The following TBX18 variants were observed in gnomAD, a reference collection of about 807,000 sequenced individuals.
TBX18 encodes T-box transcription factor 18, also known as T-box transcription factor TBX18.
Under a neutral mutation model 55.0 loss-of-function variants are expected in TBX18, and 21 were observed. The observed-to-expected ratio is 0.38, with a 90% CI of 0.27 to 0.55. The LOEUF (loss-of-function observed/expected upper bound fraction) is 0.55, where lower values mean the gene tolerates loss of function less well. TBX18 is among the 20% of genes least tolerant of loss of function. The pLI, the probability that TBX18 is intolerant of heterozygous loss-of-function variation, is 0.73. For synonymous variants in TBX18, 342 were observed against 326.1 expected, an observed-to-expected ratio of 1.05 and a Z score of -0.53; for missense variants, 840 against 799.6, an observed-to-expected ratio of 1.05 and a Z score of -0.61.
At chr6:84,763,833 C>T (rs1283422262) in intron 1 of TBX18, 57 bp downstream of exon 1, 8 of 1,438,638 alleles carry the variant, frequency 5.6e-6, no homozygotes, top group Non-Finnish European at 6.4e-6. Context: ...CCCACAGACT[C>T]GCAGAAGTTC....
rs748500583 is a variant in TBX18, at chr6:84,737,142, G to A, written c.1367C>T (p.Ser456Phe). The change falls in exon 8 of 8, where the codon TCC becomes TTC. Residue 456 changes from serine to phenylalanine, a missense_variant. Coordinates refer to ENST00000369663, the MANE Select transcript of TBX18 (RefSeq NM_001080508.3). ...GETFAPPRTPSYVGVSSSTSV... is the reference protein window; with the variant it reads ...GETFAPPRTPFYVGVSSSTSV... ...GGTGCTGCTGCTCACGCCCACATAG[G>A]AGGGAGTCCTGGGCGGGGCAAAGGT... 2.1e-5 allele frequency: 34 copies of A among 1,614,080 alleles called. No homozygotes were observed. The highest frequency in any genetic ancestry group is 2.7e-5 in the Non-Finnish European group (32 of 1,180,024).
At chr6:84,745,944 G>C (rs1767171646) in intron 5 of TBX18, among the ~76,000 whole-genome samples, 1 of 152,130 alleles carries the variant, frequency 6.6e-6, no homozygotes, top group African/African-American at 2.4e-5. Context: ...TGAAGCTTAA[G>C]TAAGCCAGGA....
chr6:84,738,964 C>T (rs1766970312), intron 6 of TBX18, among the ~76,000 whole-genome samples: 1 of 152,188 alleles, frequency 6.6e-6, no homozygotes, highest in Admixed American at 6.5e-5. Context: ...TGTCCTGTTA[C>T]TTCTCCCTCT....
At chr6:84,755,197 T>C (rs1767455750) in intron 4 of TBX18, among the ~76,000 whole-genome samples, 1 of 152,152 alleles carries the variant, frequency 6.6e-6, no homozygotes, top group Non-Finnish European at 1.5e-5. Context: ...AACCAGTAAT[T>C]TGAACGGAAA....
At chr6:84,737,829 A>G (rs1334660890) in intron 7 of TBX18, among the ~76,000 whole-genome samples, 1 of 152,206 alleles carries the variant, frequency 6.6e-6, no homozygotes, top group Non-Finnish European at 1.5e-5. Context: ...TGTTTTATAT[A>G]GTGTCTCAAA....
In TBX18 at chr6:84,733,312, A is replaced by C. The variant is rs1234844837; in HGVS notation, c.*3373T>G. The C allele has an allele frequency of 6.6e-6, 1 of 152,194 alleles. No individual in the cohort carries two copies. The highest frequency in any genetic ancestry group is 1.5e-5 in the Non-Finnish European group (1 of 68,030). The allele number at this position is 152,194 out of a possible 1,614,324, so 9.4% of individuals were successfully genotyped here. On this transcript the variant is annotated 3_prime_UTR_variant, in exon 8 of 8. Transcript: ENST00000369663. Reference sequence around the variant, plus strand: ...TTTAACCTTACTCTCAACTTATCTGAGCATTTCTTTTTAGAAAGGATGAAC... The same window carrying C: ...TTTAACCTTACTCTCAACTTATCTGCGCATTTCTTTTTAGAAAGGATGAAC...
At position 84,755,245 on chromosome 6, in the gene TBX18, A is replaced by C. The variant is rs1767457050; in HGVS notation, c.771+1453T>G. Among the ~76,000 whole-genome samples the C allele has an allele frequency of 1.3e-5, 2 of 152,236 alleles. 1 individual carries two copies. Among genetic ancestry groups the C allele is most frequent in the South Asian group, 4.1e-4 (2 of 4,834 alleles). On this transcript the variant is annotated intron_variant, in intron 4 of 7. Coordinates refer to ENST00000369663, the MANE Select transcript of TBX18 (RefSeq NM_001080508.3). ...TAAAATGATTATATTGATTTAAATT[A>C]TTAAGAAGTTTATAACTTATACATG... is the stretch of plus-strand genomic sequence containing the variant.
At chr6:84,749,080 A>C (rs1767273266) in intron 4 of TBX18, among the ~76,000 whole-genome samples, 1 of 152,150 alleles carries the variant, frequency 6.6e-6, no homozygotes, top group African/African-American at 2.4e-5. Flanking sequence ...AGATGATGGA[A>C]TTGTGAGTGA....
chr6:84,759,447 A>C (rs1411888618), intron 3 of TBX18, among the ~76,000 whole-genome samples: 1 of 152,180 alleles, frequency 6.6e-6, no homozygotes, highest in Non-Finnish European at 1.5e-5. Flanking sequence ...GTATCTTCGA[A>C]TCTTCCAAAC....
rs115937874 is a variant in TBX18, at chr6:84,748,045, C to T, written c.814G>A (p.Val272Ile). Residue 272 changes from valine to isoleucine, a missense_variant, in exon 5 of 8, where the codon GTC (valine) becomes ATC (isoleucine). Physicochemically the swap from Val to Ile is conservative, Grantham distance 29 (BLOSUM62 3). Transcript: ENST00000369663. ...TCGTCTCCACAGTCTTTACGGATGA[C>T]GTGCACTCGCGGTTGGTATTTGTGC... ...SMHKYQPRVH[V>I]IRKDCGDDLS... The T allele has an allele frequency of 2.2e-4, 355 of 1,612,638 alleles. 1 individual carries two copies. Among genetic ancestry groups the T allele is most frequent in the African/African-American group, 2.1e-3 (161 of 74,992 alleles).
At chr6:84,738,622 C>T in intron 6 of TBX18, 31 bp from the exon 7 acceptor site, 1 of 1,548,360 alleles carries the variant, frequency 6.5e-7, no homozygotes, top group Non-Finnish European at 8.9e-7. Flanking sequence ...TAGGGGTGGA[C>T]AAAAGAAGTC....
chr6:84,740,090 A>G (rs928763544), intron 6 of TBX18, among the ~76,000 whole-genome samples: 4 of 152,192 alleles, frequency 2.6e-5, no homozygotes, highest in Non-Finnish European at 5.9e-5. Flanking sequence ...CTGGGGGTGC[A>G]GCTCTGAGGG....
chr6:84,762,725 G>C lies in TBX18; in HGVS notation c.316C>G (p.Gln106Glu). The part of the protein sequence containing the change: ...AAGGCEDGFQ[Q>E]GASPLASPGG... ...GGTGACGCCAGAGGGGAAGCTCCCT[G>C]CTGGAAGCCGTCCTCACAGCCGCCT... Residue 106 changes from glutamine to glutamate, a missense_variant, in exon 2 of 8, where the codon CAG (glutamine) becomes GAG (glutamate). Transcript: ENST00000369663. The C allele has an allele frequency of 1.9e-6, 3 of 1,607,892 alleles. No individual in the cohort carries two copies. The highest frequency in any genetic ancestry group is 2.5e-6 in the Non-Finnish European group (3 of 1,177,646).
chr6:84,741,255 C>T (rs1016505202), intron 6 of TBX18: 5 of 152,148 alleles, frequency 3.3e-5, no homozygotes, highest in Admixed American at 6.5e-5. Context: ...GCAGCCAAGG[C>T]GATAATTTAT....
At chr6:84,749,325 G>A (rs1290349509) in intron 4 of TBX18, among the ~76,000 whole-genome samples, 1 of 152,200 alleles carries the variant, frequency 6.6e-6, no homozygotes, top group Non-Finnish European at 1.5e-5. Context: ...GGGAAATGTA[G>A]TGGTTGGCCT....
intron 6 of TBX18, among the ~76,000 whole-genome samples, chr6:84,740,162 A>G (rs956037937): frequency 2.6e-5 from 4 of 152,198 alleles, no homozygotes; most frequent in Non-Finnish European, 4.4e-5. Flanking sequence ...AGAAAAGAGC[A>G]GAGCACAGAG....
At position 84,733,989 on chromosome 6, in the gene TBX18, C is replaced by G. The variant is rs575488646; in HGVS notation, c.*2696G>C. 1 of 152,260 alleles carries G rather than the reference C, an allele frequency of 6.6e-6. No individual in the cohort carries two copies. The highest frequency in any genetic ancestry group is 2.4e-5 in the African/African-American group (1 of 41,540). The allele number at this position is 152,260 out of a possible 1,614,324, so 9.4% of individuals were successfully genotyped here. On this transcript the variant is annotated 3_prime_UTR_variant, in exon 8 of 8. Coordinates refer to ENST00000369663, the MANE Select transcript of TBX18 (RefSeq NM_001080508.3). ...TGCCTCACTTGTGAAAAGCTGTTGA[C>G]CTCTGGAAGGCAGCTTGTAAGGAAG... is the stretch of plus-strand genomic sequence containing the variant.
intron 6 of TBX18, chr6:84,742,218 C>A (rs960743752): frequency 2.0e-5 from 3 of 152,028 alleles, no homozygotes; most frequent in African/African-American, 7.2e-5. Flanking sequence ...AGCATTAAAA[C>A]ATAATTCACT....
chr6:84,757,295 TC>T (rs1354206046), intron 3 of TBX18, among the ~76,000 whole-genome samples: 1 of 152,212 alleles, frequency 6.6e-6, no homozygotes, highest in African/African-American at 2.4e-5. Flanking sequence ...CCCGCTTCCT[TC>T]AAGATCATTT....
Sources: gnomAD v4.1 joint callset for allele counts (sites outside exome capture counted in the v4.1 genomes callset) on GRCh38, gnomAD v4.1.1 for gene constraint, MANE v1.5 for transcripts, NCBI Gene and HGNC (gene_info 2026-07-23, HGNC 2026-07-21) for gene names.